HYAL4: variants seen among roughly 807,000 people sequenced by gnomAD.
HYAL4 encodes hyaluronidase 4, also known as hyaluronidase-4.
Under a neutral mutation model 35.2 loss-of-function variants are expected in HYAL4, and 37 were observed. The observed-to-expected ratio is 1.05, with a 90% CI of 0.81 to 1.38. The LOEUF is 1.38. Ranked by LOEUF, HYAL4 falls within the 40% of genes most tolerant of loss-of-function variation. The probability of loss-of-function intolerance (pLI) is 0.00; values close to 1 mark genes in which losing one functional copy is unlikely to be tolerated. For synonymous variants in HYAL4, 198 were observed against 203.2 expected (o/e 0.97, Z 0.22); for missense variants, 572 against 572.4 (o/e 1.00, Z 0.01).
At chr7:123,790,112 C>G in the HYAL4 span, among the ~76,000 whole-genome samples, 1 of 152,108 alleles carries the variant, frequency 6.6e-6, no homozygotes, top group East Asian at 1.9e-4. Context: ...TTAAGGCCTT[C>G]TACTGATTAG....
chr7:123,804,550 A>C, the HYAL4 span, among the ~76,000 whole-genome samples: 1 of 151,972 alleles, frequency 6.6e-6, no homozygotes, highest in Non-Finnish European at 1.5e-5. Context: ...AAAAAGAAAA[A>C]GTTAGCACTC....
At chr7:123,830,888 C>G (rs1805869854) in intron 1 of HYAL4, among the ~76,000 whole-genome samples, 1 of 152,120 alleles carries the variant, frequency 6.6e-6, no homozygotes, top group Non-Finnish European at 1.5e-5. Context: ...TTTTCTACAT[C>G]TGAACCCTGT....
intron 1 of HYAL4, among the ~76,000 whole-genome samples, chr7:123,830,336 G>T (rs545460837): frequency 3.9e-5 from 6 of 152,222 alleles, no homozygotes; most frequent in African/African-American, 1.4e-4. Flanking sequence ...AGAGAAATTA[G>T]TAACAGGTAC....
the HYAL4 span, among the ~76,000 whole-genome samples, chr7:123,778,159 G>GTCTGTCTA: frequency 0.022 from 2,684 of 120,792 alleles, 31 homozygotes; most frequent in Admixed American, 0.041. Context: ...CTGTCTGTCT[G>GTCTGTCTA]TCTATCTATC....
chr7:123,874,709 G>C, intron 3 of HYAL4, 52 bp from the exon 4 acceptor site: 2 of 1,152,410 alleles, frequency 1.7e-6, no homozygotes, highest in Non-Finnish European at 1.3e-6. Flanking sequence ...CCAGCCCCTG[G>C]TGGATTGTTT....
the HYAL4 span, among the ~76,000 whole-genome samples, chr7:123,767,602 G>A: frequency 9.9e-4 from 151 of 152,218 alleles, no homozygotes; most frequent in African/African-American, 3.5e-3. Flanking sequence ...AAAAACTCTT[G>A]TCTTTTCTAC....
intron 2 of HYAL4, among the ~76,000 whole-genome samples, chr7:123,861,587 T>C (rs1354655447): frequency 1.3e-5 from 2 of 152,212 alleles, no homozygotes; most frequent in Non-Finnish European, 2.9e-5. Context: ...CTCTTTCAGA[T>C]TGTATTTCTT....
chr7:123,770,234 G>A, the HYAL4 span, among the ~76,000 whole-genome samples: 1 of 151,830 alleles, frequency 6.6e-6, no homozygotes, highest in Non-Finnish European at 1.5e-5. Context: ...CGGATCACGA[G>A]GATAGAGACC....
the HYAL4 span, among the ~76,000 whole-genome samples, chr7:123,767,236 T>C: frequency 1.3e-5 from 2 of 152,232 alleles, no homozygotes; most frequent in African/African-American, 4.8e-5. Flanking sequence ...ATGCCTCTCA[T>C]TGCCTCAAAA....
chr7:123,810,447 A>G, the HYAL4 span, among the ~76,000 whole-genome samples: 4 of 152,242 alleles, frequency 2.6e-5, no homozygotes, highest in Admixed American at 6.5e-5. Flanking sequence ...AGGATTTTCT[A>G]TTACAAACAT....
Position 123,845,330 on chromosome 7 carries a change from TC to T in HYAL4, c.-475del, listed in dbSNP as rs1206569101. The T allele has an allele frequency of 6.8e-6, 1 of 146,972 alleles. No homozygotes were observed. The highest frequency in any genetic ancestry group is 2.5e-5 in the African/African-American group (1 of 39,850). 9.1% of individuals were successfully genotyped at this position (146,972 alleles called of 1,614,324 possible). A position where few individuals can be genotyped will look rare whatever the true frequency, so the allele number is the denominator to read the frequency against. On this transcript the variant is annotated 5_prime_UTR_variant, in exon 1 of 5. Coordinates refer to ENST00000223026, the MANE Select transcript of HYAL4 (RefSeq NM_012269.3). Reference sequence around the variant, plus strand: ...TTCAAGTGATTCTCCTGACTTAACCTCCTGAGTAGCTGGGACTACAAGAGCA... The same window carrying T: ...TTCAAGTGATTCTCCTGACTTAACCTCTGAGTAGCTGGGACTACAAGAGCA...
At chr7:123,808,777 C>G in the HYAL4 span, among the ~76,000 whole-genome samples, 1 of 152,136 alleles carries the variant, frequency 6.6e-6, no homozygotes, top group Non-Finnish European at 1.5e-5. Flanking sequence ...AGTCCACAAT[C>G]AAGGTCCCAA....
At chr7:123,874,955 A>C in intron 4 of HYAL4, 105 bp downstream of exon 4, 1 of 691,542 alleles carries the variant, frequency 1.4e-6, no homozygotes, top group South Asian at 1.7e-5. Context: ...TTTAGAATAA[A>C]TATTCCAAAT....
chr7:123,786,761 C>G, the HYAL4 span, among the ~76,000 whole-genome samples: 2 of 137,412 alleles, frequency 1.5e-5, no homozygotes, highest in Non-Finnish European at 3.2e-5. Context: ...TATCTTTCAT[C>G]TATCTAAACT....
chr7:123,827,677 A>G (rs1035820496), upstream of HYAL4, among the ~76,000 whole-genome samples: 2 of 152,114 alleles, frequency 1.3e-5, no homozygotes, highest in African/African-American at 2.4e-5. Flanking sequence ...GCTATTGCCA[A>G]AGTGCTGGCC....
chr7:123,830,758 T>C (rs773043415), intron 1 of HYAL4, among the ~76,000 whole-genome samples: 2 of 152,220 alleles, frequency 1.3e-5, no homozygotes, highest in Non-Finnish European at 2.9e-5. Flanking sequence ...GTCTTTTGAC[T>C]TTATCTTCTA....
the HYAL4 span, among the ~76,000 whole-genome samples, chr7:123,768,660 T>G: frequency 6.6e-6 from 1 of 152,232 alleles, no homozygotes; most frequent in Non-Finnish European, 1.5e-5. Context: ...CTGTTGCATG[T>G]AATCTTGGTA....
At chr7:123,809,696 G>A in the HYAL4 span, among the ~76,000 whole-genome samples, 1 of 152,010 alleles carries the variant, frequency 6.6e-6, no homozygotes, top group Admixed American at 6.6e-5. Flanking sequence ...ACTGCCCCCA[G>A]CATTTGCAAC....
At chr7:123,780,890 A>G in the HYAL4 span, among the ~76,000 whole-genome samples, 1 of 117,122 alleles carries the variant, frequency 8.5e-6, no homozygotes. Flanking sequence ...AAGAGTCATC[A>G]CCACTCCCTA....
Sources: gnomAD v4.1 joint callset for allele counts (sites outside exome capture counted in the v4.1 genomes callset) on GRCh38, gnomAD v4.1.1 for gene constraint, MANE v1.5 for transcripts, NCBI Gene and HGNC (gene_info 2026-07-23, HGNC 2026-07-21) for gene names.